The following KCNB2 variants were observed in gnomAD, a reference collection of about 807,000 sequenced individuals.
KCNB2 encodes the protein delayed rectifier potassium channel protein.
Under a neutral mutation model 61.5 loss-of-function variants are expected in KCNB2, and 15 were observed. The ratio of observed to expected loss-of-function variants is 0.24; its 90% CI spans 0.16 to 0.38. The LOEUF is 0.38. Among genes scored for constraint, KCNB2 ranks in the 10% least tolerant of loss-of-function variants. The pLI is 1.00. For missense variants in KCNB2, 828 were observed against 1,125.2 expected (o/e 0.74, Z 3.78); for synonymous variants, 457 against 446.0 (o/e 1.02, Z -0.31).
intron 2 of KCNB2, among the ~76,000 whole-genome samples, chr8:72,741,353 A>G (rs767959549): frequency 2.0e-5 from 3 of 152,196 alleles, no homozygotes; most frequent in Non-Finnish European, 2.9e-5. Context: ...TCAGTTCAAA[A>G]TCAACTCTTT....
intron 2 of KCNB2, among the ~76,000 whole-genome samples, chr8:72,899,459 T>C (rs1249017612): frequency 6.6e-6 from 1 of 152,196 alleles, no homozygotes; most frequent in African/African-American, 2.4e-5. Flanking sequence ...ACTGAAAATA[T>C]GATTTTATGT....
chr8:72,700,751 A>G (rs950817174), intron 2 of KCNB2, among the ~76,000 whole-genome samples: 6 of 152,268 alleles, frequency 3.9e-5, no homozygotes, highest in African/African-American at 1.2e-4. Context: ...TCTAAAAGAA[A>G]AAAAATCATT....
chr8:72,862,709 T>C (rs1805438492), intron 2 of KCNB2, among the ~76,000 whole-genome samples: 1 of 152,198 alleles, frequency 6.6e-6, no homozygotes, highest in Non-Finnish European at 1.5e-5. Context: ...ATTACTCAGG[T>C]CTCCACTCTT....
chr8:72,588,629 T>A (rs1807037835), intron 2 of KCNB2, among the ~76,000 whole-genome samples: 1 of 152,056 alleles, frequency 6.6e-6, no homozygotes, highest in Non-Finnish European at 1.5e-5. Flanking sequence ...CATGATGGCC[T>A]ATGTCTGTAT....
chr8:72,934,276 A>G (rs779061954), intron 2 of KCNB2, among the ~76,000 whole-genome samples: 17 of 151,736 alleles, frequency 1.1e-4, no homozygotes, highest in Non-Finnish European at 2.5e-4. Flanking sequence ...GCTGAGGTCA[A>G]GGCCAGAGGA....
chr8:72,576,230 G>C (rs1412309753), intron 2 of KCNB2, among the ~76,000 whole-genome samples: 1 of 152,124 alleles, frequency 6.6e-6, no homozygotes, highest in African/African-American at 2.4e-5. Flanking sequence ...GAGTTCCATG[G>C]CATTCGGTAA....
chr8:72,583,997 C>A (rs541742775), intron 2 of KCNB2, among the ~76,000 whole-genome samples: 3 of 142,936 alleles, frequency 2.1e-5, no homozygotes, highest in Non-Finnish European at 4.6e-5. Context: ...ACCAAAAATA[C>A]CTCTTTTTAA....
chr8:72,716,329 T>G (rs1807439606), intron 2 of KCNB2, among the ~76,000 whole-genome samples: 1 of 152,174 alleles, frequency 6.6e-6, no homozygotes, highest in Admixed American at 6.5e-5. Context: ...AGCATCATCC[T>G]GATACCAAAG....
intron 2 of KCNB2, among the ~76,000 whole-genome samples, chr8:72,745,654 C>T (rs1808049474): frequency 6.6e-6 from 1 of 152,126 alleles, no homozygotes; most frequent in Non-Finnish European, 1.5e-5. Flanking sequence ...CTGGGCTTCA[C>T]TGTCCAGAGT....
chr8:72,732,278 A>G (rs950391909), intron 2 of KCNB2, among the ~76,000 whole-genome samples: 1 of 152,202 alleles, frequency 6.6e-6, no homozygotes, highest in Non-Finnish European at 1.5e-5. Flanking sequence ...CTCCTTAGCT[A>G]GAACCTGTGA....
At chr8:72,708,054 A>G (rs1807261490) in intron 2 of KCNB2, among the ~76,000 whole-genome samples, 1 of 152,122 alleles carries the variant, frequency 6.6e-6, no homozygotes. Flanking sequence ...GGGGCCATGG[A>G]GGCATCCAGA....
chr8:72,688,822 G>T lies in KCNB2; in HGVS notation c.579+120509G>T, dbSNP rs184285634. Among the ~76,000 whole-genome samples, 4 of 152,208 alleles carry T rather than the reference G, an allele frequency of 2.6e-5. No individual in the cohort carries two copies. In the East Asian group the frequency reaches 7.8e-4, roughly 30 times the overall value. The stretch of plus-strand genomic sequence containing the variant: ...GCTCACTGCAACCTCCGCCTCCCAG[G>T]CTCAAGCAGTCCTCCCACCTCAGCC... On this transcript the variant is annotated intron_variant, in intron 2 of 2. Coordinates refer to ENST00000523207, the MANE Select transcript of KCNB2 (RefSeq NM_004770.3).
Position 72,734,473 on chromosome 8 carries a change from A to G in KCNB2, c.579+166160A>G, listed in dbSNP as rs117793528. On this transcript the variant is annotated intron_variant, in intron 2 of 2. Coordinates refer to ENST00000523207, the MANE Select transcript of KCNB2 (RefSeq NM_004770.3). The stretch of plus-strand genomic sequence containing the variant: ...CATCTGTGTCATTTGGTGCTTTTAA[A>G]TATTTTTTAAAGAATTGTCTGAAAT... Among the ~76,000 whole-genome samples the G allele has an allele frequency of 1.2e-3, 178 of 152,304 alleles. 5 individuals carry two copies. In the East Asian group the frequency reaches 0.027, roughly 23 times the overall value.
chr8:72,618,148 A>G (rs751326954), intron 2 of KCNB2, among the ~76,000 whole-genome samples: 130 of 152,258 alleles, frequency 8.5e-4, no homozygotes, highest in Non-Finnish European at 1.4e-3. Flanking sequence ...GTAGACTGAC[A>G]TTAGCTCATA....
At chr8:72,884,398 C>CT (rs1243088747) in intron 2 of KCNB2, among the ~76,000 whole-genome samples, 1 of 151,866 alleles carries the variant, frequency 6.6e-6, no homozygotes, top group Non-Finnish European at 1.5e-5. Context: ...GTTGTGTATG[C>CT]GTGTGCACGT....
chr8:72,710,660 C>T (rs929781032), intron 2 of KCNB2, among the ~76,000 whole-genome samples: 21 of 152,176 alleles, frequency 1.4e-4, no homozygotes, highest in African/African-American at 5.1e-4. Context: ...CATAGTGAAA[C>T]TACCCAGGAC....
At chr8:72,825,667 T>C (rs10108601) in intron 2 of KCNB2, among the ~76,000 whole-genome samples, 3,709 of 152,362 alleles carry the variant, frequency 0.024, 75 homozygotes, top group Non-Finnish European at 0.037. Flanking sequence ...CATCTTTTCA[T>C]GTGCTTACTG....
At chr8:72,676,960 C>T (rs1806664751) in intron 2 of KCNB2, among the ~76,000 whole-genome samples, 1 of 152,058 alleles carries the variant, frequency 6.6e-6, no homozygotes, top group South Asian at 2.1e-4. Context: ...AACTCTTAAC[C>T]CCTCGGTACC....
intron 1 of KCNB2, among the ~76,000 whole-genome samples, chr8:72,545,886 A>G (rs1178878023): frequency 6.6e-6 from 1 of 152,200 alleles, no homozygotes; most frequent in Admixed American, 6.5e-5. Flanking sequence ...AAAGAGTCTG[A>G]TTGCTGATAT....
Sources: allele counts gnomAD v4.1 joint callset (sites outside exome capture counted in the v4.1 genomes callset), GRCh38; gene constraint gnomAD v4.1.1; transcripts MANE v1.5; gene names NCBI Gene and HGNC (gene_info 2026-07-23, HGNC 2026-07-21).